COL28A1: variants seen among roughly 807,000 people sequenced by gnomAD.
COL28A1 encodes collagen type XXVIII alpha 1 chain.
In COL28A1, 161 loss-of-function variants were observed where a neutral mutation model predicts 150.2. That is an observed-to-expected ratio of 1.07 (90% confidence interval 0.94 to 1.22). The LOEUF is 1.22. Among genes scored for constraint, COL28A1 ranks in the 50% most tolerant of loss-of-function variants. COL28A1 has a pLI of 0.00. For synonymous variants in COL28A1, 552 were observed against 469.7 expected (o/e 1.18, Z -2.26); for missense variants, 1,617 against 1,388.3 (o/e 1.16, Z -2.62).
chr7:7,462,544 T>A (rs1190221307), intron 15 of COL28A1, among the ~76,000 whole-genome samples: 1 of 152,018 alleles, frequency 6.6e-6, no homozygotes, highest in Non-Finnish European at 1.5e-5. Context: ...CAATCAAAAC[T>A]TCAGGAAACA....
intron 27 of COL28A1, among the ~76,000 whole-genome samples, chr7:7,406,022 C>T (rs2128301528): frequency 6.6e-6 from 1 of 152,250 alleles, no homozygotes; most frequent in East Asian, 1.9e-4. Context: ...ACTTTTATTG[C>T]ATTCATTGTG....
chr7:7,519,536 C>G (rs1781596904), intron 6 of COL28A1, among the ~76,000 whole-genome samples: 1 of 152,088 alleles, frequency 6.6e-6, no homozygotes, highest in African/African-American at 2.4e-5. Context: ...AACCAAAATC[C>G]TAACAATGAT....
At chr7:7,440,014 A>G (rs1321394594) in intron 21 of COL28A1, among the ~76,000 whole-genome samples, 1 of 152,194 alleles carries the variant, frequency 6.6e-6, no homozygotes, top group Non-Finnish European at 1.5e-5. Flanking sequence ...CACAATTAGT[A>G]TCTTTCTAGA....
chr7:7,366,660 A>G (rs1245798542), intron 33 of COL28A1, among the ~76,000 whole-genome samples: 1 of 152,062 alleles, frequency 6.6e-6, no homozygotes, highest in Admixed American at 6.5e-5. Flanking sequence ...ATTTTTCGCT[A>G]AGAACATATT....
chr7:7,383,476 A>G (rs567808161), intron 27 of COL28A1, among the ~76,000 whole-genome samples: 3 of 151,646 alleles, frequency 2.0e-5, no homozygotes, highest in African/African-American at 7.3e-5. Flanking sequence ...ACAGGGTTTC[A>G]CCATGTTGGC....
At chr7:7,461,378 G>T (rs1787608001) in intron 15 of COL28A1, among the ~76,000 whole-genome samples, 1 of 152,174 alleles carries the variant, frequency 6.6e-6, no homozygotes, top group African/African-American at 2.4e-5. Context: ...AGATTGAGAA[G>T]TCTCCTGGCC....
chr7:7,482,295 T>A (rs1779371647), intron 13 of COL28A1, among the ~76,000 whole-genome samples: 1 of 152,008 alleles, frequency 6.6e-6, no homozygotes, highest in African/African-American at 2.4e-5. Context: ...GACGCTGAGG[T>A]GGGCGGATTA....
chr7:7,502,650 A>T, intron 11 of COL28A1, among the ~76,000 whole-genome samples: 1 of 151,930 alleles, frequency 6.6e-6, no homozygotes, highest in Non-Finnish European at 1.5e-5. Context: ...GAAAATGCAC[A>T]ATTAGCATTA....
chr7:7,403,793 G>C (rs1348813990), intron 27 of COL28A1, among the ~76,000 whole-genome samples: 1 of 152,050 alleles, frequency 6.6e-6, no homozygotes, highest in Non-Finnish European at 1.5e-5. Context: ...AGTTTTGTAT[G>C]GTTCAATAGC....
intron 16 of COL28A1, among the ~76,000 whole-genome samples, chr7:7,453,873 C>G (rs1786916033): frequency 6.6e-6 from 1 of 150,574 alleles, no homozygotes; most frequent in Non-Finnish European, 1.5e-5. Context: ...TCCTCTTCTT[C>G]AGTAGCTGGA....
chr7:7,489,391 G>T lies in COL28A1; in HGVS notation c.1162C>A (p.Pro388Thr). The change falls in exon 13 of 35, where the codon CCA (proline) becomes ACA (threonine). Residue 388 changes from proline (P) to threonine (T), a missense_variant and splice_region_variant. Pro to Thr is a conservative substitution (Grantham distance 38, BLOSUM62 -1). Coordinates refer to ENST00000399429, the MANE Select transcript of COL28A1 (RefSeq NM_001037763.3). ...CATCTAGAATTTTTGCTACTTACTG[G>T]CTGTCCAGGCTCACCAACTCCAATG... Reference protein sequence around the residue: ...GPIGVGEPGQPGPRGPEGVPG... With the variant: ...GPIGVGEPGQTGPRGPEGVPG... The T allele has an allele frequency of 7.7e-7, 1 of 1,306,682 alleles. No homozygotes were observed. Among genetic ancestry groups the T allele is most frequent in the Non-Finnish European group, 1.1e-6 (1 of 898,888 alleles). 80.9% of individuals were successfully genotyped at this position (1,306,682 alleles called of 1,614,324 possible). A position where few individuals can be genotyped will look rare whatever the true frequency, so the allele number is the denominator to read the frequency against.
In COL28A1 at chr7:7,373,626, T is replaced by G; in HGVS notation, c.2360-80A>C. On this transcript the variant is annotated intron_variant, in intron 31 of 34. Transcript: ENST00000399429. This position sits in a 1 kb window ranked among gnomAD's most constrained non-coding sequence, Gnocchi z 4.1. ...TTGAGGGGAGGGGAGAAAAAGTCAA[T>G]GATGAACCTGAGACCTAAACTATTC... The G allele has an allele frequency of 9.0e-7, 1 of 1,114,008 alleles. No individual in the cohort carries two copies. The highest frequency in any genetic ancestry group is 1.3e-6 in the Non-Finnish European group (1 of 765,996). The allele number at this position is 1,114,008 out of a possible 1,614,324, so 69.0% of individuals were successfully genotyped here.
chr7:7,460,184 G>T lies in COL28A1; in HGVS notation c.1303-4072C>A, dbSNP rs4526273. Among the ~76,000 whole-genome samples, 89 of 152,260 alleles carry T rather than the reference G, an allele frequency of 5.8e-4. 2 individuals carry two copies. The East Asian group carries it at 0.015, about 26-fold the overall frequency. On this transcript the variant is annotated intron_variant, in intron 15 of 34. Transcript: ENST00000399429. Reference sequence around the variant, plus strand: ...CTTCCTGAGTCACTGTAGGTTCATCGTATGTGGTCTTCCTTCCTTCAGAGT... The same window carrying T: ...CTTCCTGAGTCACTGTAGGTTCATCTTATGTGGTCTTCCTTCCTTCAGAGT...
intron 27 of COL28A1, among the ~76,000 whole-genome samples, chr7:7,408,490 G>C (rs955727487): frequency 6.6e-6 from 1 of 152,136 alleles, no homozygotes; most frequent in Non-Finnish European, 1.5e-5. Context: ...AACCTGTTTA[G>C]ATTACATACT....
intron 16 of COL28A1, among the ~76,000 whole-genome samples, chr7:7,453,880 T>C (rs562350119): frequency 2.0e-5 from 3 of 150,610 alleles, no homozygotes; most frequent in Non-Finnish European, 4.4e-5. Flanking sequence ...CTTCAGTAGC[T>C]GGAATTAAGA....
chr7:7,385,521 T>C (rs1053453840), intron 27 of COL28A1, among the ~76,000 whole-genome samples: 7 of 152,204 alleles, frequency 4.6e-5, no homozygotes, highest in Admixed American at 4.6e-4. Context: ...TTCTGACAAT[T>C]ACTCAGAATA....
intron 27 of COL28A1, among the ~76,000 whole-genome samples, chr7:7,391,304 T>C (rs1782528144): frequency 6.6e-6 from 1 of 152,220 alleles, no homozygotes; most frequent in South Asian, 2.1e-4. Flanking sequence ...AGTTTCTTAA[T>C]CCTGAGTTCT....
intron 27 of COL28A1, among the ~76,000 whole-genome samples, chr7:7,385,296 C>T (rs773678085): frequency 1.4e-4 from 21 of 152,000 alleles, no homozygotes; most frequent in Admixed American, 5.2e-4. Context: ...TGCGTCAGAC[C>T]GCTGTACCTA....
chr7:7,491,422 G>A (rs972589215), intron 11 of COL28A1, among the ~76,000 whole-genome samples: 1 of 152,218 alleles, frequency 6.6e-6, no homozygotes, highest in Non-Finnish European at 1.5e-5. Context: ...GCCAGCTGCT[G>A]AAGAGGCCTG....
Sources: allele counts gnomAD v4.1 joint callset (sites outside exome capture counted in the v4.1 genomes callset), GRCh38; gene constraint gnomAD v4.1.1; non-coding constraint Gnocchi (gnomAD v3.1); transcripts MANE v1.5; gene names NCBI Gene and HGNC (gene_info 2026-07-23, HGNC 2026-07-21).